The following PCDH17 variants were observed in gnomAD, a reference collection of about 807,000 sequenced individuals.
PCDH17 encodes protocadherin 17, also known as protocadherin-17.
PCDH17 carries 21 observed loss-of-function variants against 67.7 expected under a neutral mutation model. The observed-to-expected ratio is 0.31, with a 90% CI of 0.22 to 0.45. The LOEUF (loss-of-function observed/expected upper bound fraction) is 0.45, where lower values mean the gene tolerates loss of function less well. Ranked by LOEUF, PCDH17 falls within the 20% of genes least tolerant of loss-of-function variation. The probability of loss-of-function intolerance (pLI) is 1.00; values close to 1 mark genes in which losing one functional copy is unlikely to be tolerated. For synonymous variants in PCDH17, 701 were observed against 656.7 expected, an observed-to-expected ratio of 1.07 and a Z score of -1.03; for missense variants, 1,471 against 1,564.8, an observed-to-expected ratio of 0.94 and a Z score of 1.01.
At position 57,724,801 on chromosome 13, in the gene PCDH17, AG is replaced by A; in HGVS notation, c.2988del (p.Thr997LeufsTer23). Reference protein sequence around the residue: ...TYETVNPTGKKTFCTFGKDKR... With the variant: ...TYETVNPTGKXTFCTFGKDKR... ...GAAACTGTGAATCCCACTGGGAAAA[AG>A]ACTTTTTGTACATTTGGAAAAGACA... is the stretch of plus-strand genomic sequence containing the variant. On this transcript the variant is annotated frameshift_variant, in exon 4 of 4. Coordinates refer to ENST00000377918, the MANE Select transcript of PCDH17 (RefSeq NM_001040429.3). LOFTEE classifies it high-confidence loss of function. 6.2e-7 allele frequency: 1 copy of A among 1,614,184 alleles called. No individual in the cohort carries two copies.
At chr13:57,717,716 T>C (rs1438392459) in intron 3 of PCDH17, among the ~76,000 whole-genome samples, 1 of 152,012 alleles carries the variant, frequency 6.6e-6, no homozygotes, top group Non-Finnish European at 1.5e-5. Context: ...TATTTGATAG[T>C]ATTATAACAA....
At chr13:57,644,127 C>A (rs1954937077) in intron 1 of PCDH17, among the ~76,000 whole-genome samples, 1 of 151,582 alleles carries the variant, frequency 6.6e-6, no homozygotes, top group Non-Finnish European at 1.5e-5. Flanking sequence ...TTGGCAGATG[C>A]ACGGGTAGTA....
intron 3 of PCDH17, among the ~76,000 whole-genome samples, chr13:57,721,010 T>G (rs1178435409): frequency 6.6e-6 from 1 of 152,094 alleles, no homozygotes; most frequent in Non-Finnish European, 1.5e-5. Flanking sequence ...AATCATGCTT[T>G]TAAAAGATTA....
chr13:57,643,249 A>G (rs951072047), intron 1 of PCDH17, among the ~76,000 whole-genome samples: 1 of 151,592 alleles, frequency 6.6e-6, no homozygotes, highest in African/African-American at 2.4e-5. Flanking sequence ...CAGTAGATAA[A>G]ATGAAATTAA....
intron 3 of PCDH17, among the ~76,000 whole-genome samples, chr13:57,683,192 T>C (rs1164355059): frequency 2.0e-5 from 3 of 151,808 alleles, no homozygotes; most frequent in African/African-American, 7.3e-5. Flanking sequence ...GAGGGAGTCA[T>C]GGGGATGATT....
intron 1 of PCDH17, among the ~76,000 whole-genome samples, chr13:57,660,589 A>C (rs1406079075): frequency 6.6e-6 from 1 of 152,188 alleles, no homozygotes; most frequent in African/African-American, 2.4e-5. Context: ...GTATAGTTCT[A>C]TGACTGTTCA....
intron 1 of PCDH17, among the ~76,000 whole-genome samples, chr13:57,645,570 T>C (rs962036548): frequency 6.6e-6 from 1 of 151,522 alleles, no homozygotes; most frequent in East Asian, 1.9e-4. Flanking sequence ...TAATTATTGC[T>C]ATGAAAATTT....
Position 57,724,636 on chromosome 13 carries a change from C to T in PCDH17, c.2822C>T (p.Thr941Ile), listed in dbSNP as rs1263085822. 1 of 1,613,074 alleles carries T rather than the reference C, an allele frequency of 6.2e-7. No individual in the cohort carries two copies. The highest frequency in any genetic ancestry group is 1.3e-5 in the African/African-American group (1 of 75,008). ...GAACCAGAAGAGTGTGTTAATTGCA[C>T]AGATGAATGCCGAGTGCTTGGTCAT... ...EQEPEECVNC[T>I]DECRVLGHSD... The change falls in exon 4 of 4, where the codon ACA (threonine) becomes ATA (isoleucine). Residue 941 changes from threonine to isoleucine, a missense_variant. Thr to Ile is a moderately conservative substitution (Grantham distance 89). This residue lies in a region of PCDH17 where 297 missense variants were observed against 298.6 expected (regional missense o/e 0.99). Transcript: ENST00000377918.
chr13:57,709,077 TAGA>T (rs754023691), intron 3 of PCDH17, among the ~76,000 whole-genome samples: 3 of 149,710 alleles, frequency 2.0e-5, no homozygotes, highest in South Asian at 2.1e-4. Flanking sequence ...AACAAAAAAA[TAGA>T]AGATGTTACA....
In PCDH17 at chr13:57,633,681, C is replaced by T; in HGVS notation, c.1135C>T (p.Arg379Trp). The change falls in exon 1 of 4, where the codon CGG becomes TGG. Residue 379 changes from arginine (R) to tryptophan (W), a missense_variant. By Grantham distance (101) the Arg-to-Trp change is moderately radical (BLOSUM62 -3). Around this residue, in one of 3 missense-constraint regions of PCDH17, gnomAD observed 1,163 missense variants for 1,230.0 expected, o/e 0.95. Coordinates refer to ENST00000377918, the MANE Select transcript of PCDH17 (RefSeq NM_001040429.3). This position sits in a 1 kb window ranked among gnomAD's most constrained non-coding sequence, Gnocchi z 6.2. ...CATCGCCCTGGTGCGGGTCACTGAC[C>T]GGGACTCTGGCAAGAACGGACAGCT... ...TVIALVRVTD[R>W]DSGKNGQLQC... The T allele has an allele frequency of 2.5e-6, 4 of 1,598,538 alleles. No individual in the cohort carries two copies. Among genetic ancestry groups the T allele is most frequent in the East Asian group, 2.3e-5 (1 of 44,348 alleles).
At chr13:57,673,280 TC>T (rs1288650518) in intron 3 of PCDH17, among the ~76,000 whole-genome samples, 1 of 151,964 alleles carries the variant, frequency 6.6e-6, no homozygotes, top group African/African-American at 2.4e-5. Context: ...CCTAAACGTG[TC>T]CTGTTAAGAA....
chr13:57,679,983 T>TG (rs1224883671), intron 3 of PCDH17, among the ~76,000 whole-genome samples: 12 of 151,416 alleles, frequency 7.9e-5, no homozygotes, highest in Non-Finnish European at 1.8e-4. Context: ...AATTCATACA[T>TG]GGATAAGGTA....
At chr13:57,715,829 A>G (rs1343869903) in intron 3 of PCDH17, among the ~76,000 whole-genome samples, 1 of 151,962 alleles carries the variant, frequency 6.6e-6, no homozygotes, top group African/African-American at 2.4e-5. Flanking sequence ...ACTTTACCAT[A>G]TGAAATGTTA....
chr13:57,725,800 G>A lies in PCDH17; in HGVS notation c.*506G>A, dbSNP rs1464569890. 1 of 153,768 alleles carries A rather than the reference G, an allele frequency of 6.5e-6. No individual in the cohort carries two copies. Among genetic ancestry groups the A allele is most frequent in the Non-Finnish European group, 1.5e-5 (1 of 68,936 alleles). The allele number at this position is 153,768 out of a possible 1,614,324, so 9.5% of individuals were successfully genotyped here. A position where few individuals can be genotyped will look rare whatever the true frequency, so the allele number is the denominator to read the frequency against. The stretch of plus-strand genomic sequence containing the variant: ...AAAGTCCTGAAAAGACCTTGCAGTA[G>A]TCCAAGCTACACCAAACATTAACAC... On this transcript the variant is annotated 3_prime_UTR_variant, in exon 4 of 4. Transcript: ENST00000377918.
rs538336135 is a variant in PCDH17, at chr13:57,681,795, T to C, written c.2797+14962T>C. On this transcript the variant is annotated intron_variant, in intron 3 of 3. Coordinates refer to ENST00000377918, the MANE Select transcript of PCDH17 (RefSeq NM_001040429.3). ...GTGCCTCTCAGTGCCAAATGGTACT[T>C]CTGCTAATTATGAGCAATAAATAAG... Among the ~76,000 whole-genome samples, 3 of 151,984 alleles carry C rather than the reference T, an allele frequency of 2.0e-5. No individual in the cohort carries two copies. The East Asian group carries it at 5.8e-4, about 30-fold the overall frequency.
chr13:57,642,033 C>T (rs146922241), intron 1 of PCDH17, among the ~76,000 whole-genome samples: 13 of 151,578 alleles, frequency 8.6e-5, no homozygotes, highest in African/African-American at 4.8e-5. Flanking sequence ...AAATGTTTAA[C>T]GATCTGTATT....
rs1365330657 is a variant in PCDH17 at position 57,633,198 on chromosome 13, G to A, written c.652G>A (p.Gly218Ser). Residue 218 changes from glycine (G) to serine (S), a missense_variant, in exon 1 of 4, where the codon GGT (glycine) becomes AGT (serine). Transcript: ENST00000377918. The surrounding 1 kb of genome is among the most constrained non-coding windows in gnomAD (Gnocchi z 6.2). The part of the protein sequence containing the change: ...HHTLVLTALD[G>S]GEPPRSATVQ... The stretch of plus-strand genomic sequence containing the variant: ...TACGCTCGTGCTGACTGCCCTGGAC[G>A]GTGGCGAGCCTCCACGTTCCGCCAC... 13 of 1,613,064 alleles carry A rather than the reference G, an allele frequency of 8.1e-6. No individual in the cohort carries two copies. Among genetic ancestry groups the A allele is most frequent in the Admixed American group, 1.7e-5 (1 of 60,004 alleles).
chr13:57,678,161 A>ATATC (rs1955413289), intron 3 of PCDH17, among the ~76,000 whole-genome samples: 1 of 151,100 alleles, frequency 6.6e-6, no homozygotes, highest in South Asian at 2.1e-4. Context: ...ATATATATAT[A>ATATC]TCTCGAAACA....
rs573061386 is a variant in PCDH17, at chr13:57,633,671, G to T, written c.1125G>T (p.Arg375=). The change falls in exon 1 of 4, where the codon CGG becomes CGT. Residue 375 remains arginine (R), a synonymous_variant. Transcript: ENST00000377918. This position sits in a 1 kb window ranked among gnomAD's most constrained non-coding sequence, Gnocchi z 6.2. ...APPGTVIALV[R]VTDRDSGKNG... ...CCGGCACCGTCATCGCCCTGGTGCG[G>T]GTCACTGACCGGGACTCTGGCAAGA... The T allele has an allele frequency of 1.2e-6, 2 of 1,605,892 alleles. No homozygotes were observed. Among genetic ancestry groups the T allele is most frequent in the Non-Finnish European group, 1.7e-6 (2 of 1,179,904 alleles).
Sources: allele counts gnomAD v4.1 joint callset (sites outside exome capture counted in the v4.1 genomes callset), GRCh38; gene constraint gnomAD v4.1.1; regional missense constraint gnomAD v4.1.1; non-coding constraint Gnocchi (gnomAD v3.1); transcripts MANE v1.5; gene names NCBI Gene and HGNC (gene_info 2026-07-23, HGNC 2026-07-21).